Variants in STAT5B observed in about 807,000 individuals in gnomAD.
STAT5B encodes signal transducer and activator of transcription 5B, also known as transcription factor STAT5B.
A neutral mutation model predicts 107.8 loss-of-function variants in STAT5B; 21 were observed. The ratio of observed to expected loss-of-function variants is 0.19; its 90% CI spans 0.14 to 0.28. STAT5B has a LOEUF of 0.28. Among genes scored for constraint, STAT5B ranks in the 10% least tolerant of loss-of-function variants. STAT5B has a pLI of 1.00. For synonymous variants in STAT5B, 325 were observed against 401.7 expected (o/e 0.81, Z 2.28); for missense variants, 565 against 1,008.2 (o/e 0.56, Z 5.95).
In STAT5B at chr17:42,219,791, T is replaced by A; in HGVS notation, c.602A>T (p.Glu201Val). 6.2e-7 allele frequency: 1 copy of A among 1,613,716 alleles called. No individual in the cohort carries two copies. Among genetic ancestry groups the A allele is most frequent in the Non-Finnish European group, 8.5e-7 (1 of 1,179,942 alleles). ...CACCTGCTTCTGCTGGAGGGCCGTC[T>A]CCCGGCTCAGACGCTCCTGGGGGCT... is the stretch of plus-strand genomic sequence containing the variant. ...QLSPQERLSR[E>V]TALQQKQVSL... The change falls in exon 6 of 19, where the codon GAG becomes GTG. Residue 201 changes from glutamate to valine, a missense_variant. Physicochemically the swap from Glu to Val is moderately radical, Grantham distance 121. This residue lies in a region of STAT5B where 56 missense variants were observed against 104.5 expected (regional missense o/e 0.54). Coordinates refer to ENST00000293328, the MANE Select transcript of STAT5B (RefSeq NM_012448.4).
At chr17:42,270,010 G>A (rs1326475425) in intron 1 of STAT5B, among the ~76,000 whole-genome samples, 1 of 152,022 alleles carries the variant, frequency 6.6e-6, no homozygotes, top group Non-Finnish European at 1.5e-5. Context: ...AGGAGTTCGA[G>A]ACCAGCCTGG....
chr17:42,287,415 C>T, the STAT5B span: 3 of 152,062 alleles, frequency 2.0e-5, no homozygotes, highest in Admixed American at 6.6e-5. Context: ...GCTGCCAACC[C>T]GCTGCCAGGC....
At chr17:42,209,496 T>C (rs951295781) in intron 15 of STAT5B, among the ~76,000 whole-genome samples, 2 of 151,922 alleles carry the variant, frequency 1.3e-5, no homozygotes, top group Non-Finnish European at 2.9e-5. Context: ...GAAGCCAAAG[T>C]GGGGGATTGT....
At chr17:42,207,490 C>T (rs2080094544) in intron 16 of STAT5B, 68 bp downstream of exon 16, 3 of 208,426 alleles carry the variant, frequency 1.4e-5, no homozygotes, top group East Asian at 8.4e-4. Context: ...CAGGTATGCA[C>T]ACACACACAC....
At chr17:42,247,059 C>T (rs2144346371) in intron 1 of STAT5B, among the ~76,000 whole-genome samples, 1 of 152,294 alleles carries the variant, frequency 6.6e-6, no homozygotes, top group East Asian at 1.9e-4. Flanking sequence ...TTGTATTCCC[C>T]CTGGATTCTT....
Position 42,217,416 on chromosome 17 carries a change from G to T in STAT5B, c.1218C>A (p.His406Gln), listed in dbSNP as rs945497674. Residue 406 changes from histidine (H) to glutamine (Q), a missense_variant, in exon 10 of 19, where the codon CAC (histidine) becomes CAA (glutamine). Coordinates refer to ENST00000293328, the MANE Select transcript of STAT5B (RefSeq NM_012448.4). ...GGGCACTAAGGGTGCCTGTGGCTTG[G>T]TGGTACTCCATGACGCAGCAGTTGT... The part of the protein sequence containing the change: ...ILNNCCVMEY[H>Q]QATGTLSAHF... 3 of 1,614,060 alleles carry T rather than the reference G, an allele frequency of 1.9e-6. No individual in the cohort carries two copies. The African/African-American group carries it at 4.0e-5, about 22-fold the overall frequency.
At chr17:42,240,481 G>A (rs1837656302) in intron 1 of STAT5B, among the ~76,000 whole-genome samples, 1 of 152,168 alleles carries the variant, frequency 6.6e-6, no homozygotes, top group Admixed American at 6.5e-5. Context: ...GTTGCCAAGG[G>A]CTGAGGGGAG....
At chr17:42,235,318 C>T (rs544828055) in intron 1 of STAT5B, 1 of 152,142 alleles carries the variant, frequency 6.6e-6, no homozygotes, top group Non-Finnish European at 1.5e-5. Context: ...GGGTCTAGAA[C>T]GGTACCTGGC....
intron 15 of STAT5B, 150 bp from the exon 16 acceptor site, chr17:42,207,878 T>C (rs1354108568): frequency 8.5e-6 from 7 of 819,064 alleles, no homozygotes; most frequent in Admixed American, 2.8e-5. Context: ...ATAGATGAAA[T>C]ACTTTTATTT....
At position 42,276,004 on chromosome 17, in the gene STAT5B, G is replaced by A. The variant is rs1333815108; in HGVS notation, c.-11+244C>T. Among the ~76,000 whole-genome samples the A allele has an allele frequency of 1.3e-5, 2 of 150,464 alleles. No homozygotes were observed. The highest frequency in any genetic ancestry group is 3.0e-5 in the Non-Finnish European group (2 of 67,496). On this transcript the variant is annotated intron_variant, in intron 1 of 18. Transcript: ENST00000293328. The surrounding 1 kb of genome is among the most constrained non-coding windows in gnomAD (Gnocchi z 4.8). ...CTTTAAAGCGCACGCCCCCCGCGGC[G>A]CCGCGGCGTTCGCAAGTCCCCCTCG... is the stretch of plus-strand genomic sequence containing the variant.
chr17:42,201,683 C>T lies in STAT5B; in HGVS notation c.*55G>A. The T allele has an allele frequency of 1.8e-6, 2 of 1,138,144 alleles. No individual in the cohort carries two copies. The highest frequency in any genetic ancestry group is 1.2e-5 in the South Asian group (1 of 81,578). 70.5% of individuals were successfully genotyped at this position (1,138,144 alleles called of 1,614,324 possible). A position where few individuals can be genotyped will look rare whatever the true frequency, so the allele number is the denominator to read the frequency against. ...GCGATTCATGGAATTAAAACATCCA[C>T]AAGAGTGATTCCTCTGGTGAAGATG... On this transcript the variant is annotated 3_prime_UTR_variant, in exon 19 of 19. Coordinates refer to ENST00000293328, the MANE Select transcript of STAT5B (RefSeq NM_012448.4).
At chr17:42,202,234 G>T in intron 18 of STAT5B, 106 bp downstream of exon 18, 3 of 1,347,120 alleles carry the variant, frequency 2.2e-6, no homozygotes, top group Non-Finnish European at 3.1e-6. Context: ...TGTGGTCTCA[G>T]ACCTAGAGGA....
chr17:42,204,647 C>T (rs1008072202), intron 16 of STAT5B, among the ~76,000 whole-genome samples: 10 of 152,236 alleles, frequency 6.6e-5, no homozygotes, highest in Non-Finnish European at 1.2e-4. Context: ...CAGGGTCTTA[C>T]TCTGTCACAT....
intron 1 of STAT5B, chr17:42,271,636 T>C (rs912177660): frequency 2.6e-5 from 4 of 152,156 alleles, no homozygotes; most frequent in African/African-American, 7.2e-5. Context: ...AGAGTGAATG[T>C]TGCAGTAGAT....
At chr17:42,207,962 T>C (rs1453904541) in intron 15 of STAT5B, among the ~76,000 whole-genome samples, 4 of 152,300 alleles carry the variant, frequency 2.6e-5, no homozygotes, top group African/African-American at 4.8e-5. Flanking sequence ...TGGTGCGATC[T>C]TGGCTCACTG....
intron 5 of STAT5B, 76 bp downstream of exon 5, chr17:42,223,306 C>G: frequency 6.2e-7 from 1 of 1,608,486 alleles, no homozygotes. Context: ...GTGCTTTCTC[C>G]CAACCCCACC....
intron 18 of STAT5B, 147 bp downstream of exon 18, chr17:42,202,193 C>G: frequency 1.1e-6 from 1 of 935,174 alleles, no homozygotes; most frequent in Admixed American, 2.5e-5. Flanking sequence ...AAATCTCTCC[C>G]TCCCAAAGGC....
At chr17:42,260,416 T>C (rs914453814) in intron 1 of STAT5B, among the ~76,000 whole-genome samples, 3 of 152,132 alleles carry the variant, frequency 2.0e-5, no homozygotes, top group Admixed American at 6.6e-5. Flanking sequence ...TGGGTTCGTT[T>C]GTTTTTTTTT....
chr17:42,279,190 GAAA>G (rs59058357), upstream of STAT5B, among the ~76,000 whole-genome samples: 1 of 121,306 alleles, frequency 8.2e-6, no homozygotes, highest in South Asian at 2.6e-4. Context: ...CTCAAAAAAA[GAAA>G]AAAAAAAAAA....
Sources: gnomAD v4.1 joint callset for allele counts (sites outside exome capture counted in the v4.1 genomes callset) on GRCh38, gnomAD v4.1.1 for gene constraint, gnomAD v4.1.1 regional missense constraint, Gnocchi (gnomAD v3.1) non-coding constraint, MANE v1.5 for transcripts, NCBI Gene and HGNC (gene_info 2026-07-23, HGNC 2026-07-21) for gene names.